CFAP54: variants seen among roughly 807,000 people sequenced by gnomAD.
CFAP54 encodes cilia- and flagella-associated protein 54.
Under a neutral mutation model 370.4 loss-of-function variants are expected in CFAP54, and 290 were observed. The ratio of observed to expected loss-of-function variants is 0.78; its 90% CI spans 0.71 to 0.86. The LOEUF (loss-of-function observed/expected upper bound fraction) is 0.86, where lower values mean the gene tolerates loss of function less well. Among genes scored for constraint, CFAP54 ranks in the 40% least tolerant of loss-of-function variants. The probability of loss-of-function intolerance (pLI) is 0.00; values close to 1 mark genes in which losing one functional copy is unlikely to be tolerated. For synonymous variants in CFAP54, 1,206 were observed against 1,236.5 expected, an observed-to-expected ratio of 0.98 and a Z score of 0.52; for missense variants, 3,399 against 3,528.7, an observed-to-expected ratio of 0.96 and a Z score of 0.93.
intron 50 of CFAP54, among the ~76,000 whole-genome samples, chr12:96,724,858 T>G (rs985125160): frequency 1.5e-4 from 23 of 152,194 alleles, no homozygotes; most frequent in Non-Finnish European, 2.9e-4. Flanking sequence ...TTGTATAAGG[T>G]GTAAGGAAGG....
Position 96,693,748 on chromosome 12 carries a change from ATATT to A in CFAP54, c.6293_6296del (p.Tyr2098LeufsTer9). ...TTCTGCCTCTCCTTGCATTGTATCA[ATATT>A]TTGTTTCTGGAATTTGTCAAGACAT... On this transcript the variant is annotated frameshift_variant, in exon 45 of 68. Transcript: ENST00000524981. LOFTEE classifies it high-confidence loss of function. 6.3e-7 allele frequency: 1 copy of A among 1,598,904 alleles called. No homozygotes were observed. The highest frequency in any genetic ancestry group is 8.6e-7 in the Non-Finnish European group (1 of 1,167,672).
At chr12:96,551,049 G>A (rs764780143) in intron 15 of CFAP54, among the ~76,000 whole-genome samples, 5 of 152,116 alleles carry the variant, frequency 3.3e-5, no homozygotes, top group East Asian at 1.9e-4. Flanking sequence ...TGGGTGGATC[G>A]CTTGAGCCCA....
intron 65 of CFAP54, among the ~76,000 whole-genome samples, chr12:96,818,453 T>G (rs1458936720): frequency 2.0e-5 from 3 of 152,214 alleles, no homozygotes; most frequent in Non-Finnish European, 4.4e-5. Flanking sequence ...TGTCCCTTCC[T>G]GAGTTCTCAG....
In CFAP54 at chr12:96,811,806, G is replaced by T; in HGVS notation, c.8921G>T (p.Ser2974Ile). ...GATGTTAGACATTCCACTTATAACAGTACATGTGTTGGCTCTTTATGGATT... is the reference window on the plus strand; with the variant it reads ...GATGTTAGACATTCCACTTATAACATTACATGTGTTGGCTCTTTATGGATT... ...ISDVRHSTYNSTCVGSLWIPL... is the reference protein window; with the variant it reads ...ISDVRHSTYNITCVGSLWIPL... Residue 2974 changes from serine (S) to isoleucine (I), a missense_variant, in exon 64 of 68, where the codon AGT becomes ATT. Ser to Ile is a moderately radical substitution (Grantham distance 142). This residue lies in a region of CFAP54 where 2,796 missense variants were observed against 2,869.7 expected (regional missense o/e 0.97). Transcript: ENST00000524981. 6.6e-7 allele frequency: 1 copy of T among 1,521,700 alleles called. No homozygotes were observed. Among genetic ancestry groups the T allele is most frequent in the Non-Finnish European group, 8.8e-7 (1 of 1,141,110 alleles). The allele number at this position is 1,521,700 out of a possible 1,614,324, so 94.3% of individuals were successfully genotyped here. A position where few individuals can be genotyped will look rare whatever the true frequency, so the allele number is the denominator to read the frequency against.
intron 32 of CFAP54, among the ~76,000 whole-genome samples, chr12:96,636,717 A>G (rs181103533): frequency 2.6e-4 from 40 of 152,220 alleles, no homozygotes; most frequent in Middle Eastern, 3.4e-3. Flanking sequence ...GAACTTTGGG[A>G]AGGTGAGGTA....
At chr12:96,812,405 C>T (rs778412455) in intron 64 of CFAP54, among the ~76,000 whole-genome samples, 5 of 152,146 alleles carry the variant, frequency 3.3e-5, no homozygotes, top group Non-Finnish European at 5.9e-5. Flanking sequence ...TAACTTTTTG[C>T]TCATGCCTCG....
chr12:96,838,604 AACTC>A lies in CFAP54; in HGVS notation c.9171+9524_9171+9527del, dbSNP rs767188364. Among the ~76,000 whole-genome samples the A allele has an allele frequency of 7.2e-5, 11 of 152,190 alleles. No individual in the cohort carries two copies. In the East Asian group the frequency reaches 2.1e-3, roughly 29 times the overall value. Reference sequence around the variant, plus strand: ...TTATAAAACCGTGACATCTCATGAGAACTCACTCACTATCACAAGAAGGGCATGA... The same window carrying A: ...TTATAAAACCGTGACATCTCATGAGAACTCACTATCACAAGAAGGGCATGA... On this transcript the variant is annotated intron_variant, in intron 66 of 67. Coordinates refer to ENST00000524981, the MANE Select transcript of CFAP54 (RefSeq NM_001306084.2).
intron 66 of CFAP54, among the ~76,000 whole-genome samples, chr12:96,854,969 G>A (rs1031192911): frequency 3.3e-5 from 5 of 152,180 alleles, no homozygotes; most frequent in Admixed American, 2.6e-4. Context: ...GTAAAGGAAA[G>A]AGGTTTAATT....
chr12:96,777,207 G>C (rs1193311626), intron 60 of CFAP54, among the ~76,000 whole-genome samples: 1 of 152,140 alleles, frequency 6.6e-6, no homozygotes, highest in African/African-American at 2.4e-5. Flanking sequence ...GCTTTTCCTG[G>C]AGACAGCCAT....
At chr12:96,644,073 A>C in intron 32 of CFAP54, 105 bp from the exon 33 acceptor site, 3 of 717,624 alleles carry the variant, frequency 4.2e-6, no homozygotes, top group Non-Finnish European at 6.8e-6. Context: ...GCATAAGGGC[A>C]GTCAAGTGAC....
chr12:96,845,473 G>GGACAT (rs995672654), intron 66 of CFAP54, among the ~76,000 whole-genome samples: 2 of 152,214 alleles, frequency 1.3e-5, no homozygotes, highest in African/African-American at 4.8e-5. Context: ...TTCAACTGAA[G>GGACAT]GACATGAACT....
At chr12:96,505,509 T>G (rs1955089843) in intron 3 of CFAP54, among the ~76,000 whole-genome samples, 1 of 151,184 alleles carries the variant, frequency 6.6e-6, no homozygotes, top group South Asian at 2.1e-4. Context: ...TCACTTTTTT[T>G]TTTTTTTTTT....
intron 26 of CFAP54, among the ~76,000 whole-genome samples, chr12:96,613,877 T>C (rs1272579967): frequency 6.6e-6 from 1 of 152,132 alleles, no homozygotes; most frequent in Admixed American, 6.5e-5. Context: ...ATTAATAGCC[T>C]AGCAACCAAA....
chr12:96,839,061 G>T (rs1959195963), intron 66 of CFAP54, among the ~76,000 whole-genome samples: 1 of 152,206 alleles, frequency 6.6e-6, no homozygotes, highest in East Asian at 1.9e-4. Context: ...GTCCCTGAGA[G>T]AGAGTTAGAA....
chr12:96,807,360 A>T (rs1463767223), intron 63 of CFAP54, among the ~76,000 whole-genome samples: 1 of 152,178 alleles, frequency 6.6e-6, no homozygotes, highest in Non-Finnish European at 1.5e-5. Context: ...TTGAGTACAT[A>T]CCATATGCCA....
intron 17 of CFAP54, among the ~76,000 whole-genome samples, chr12:96,560,339 A>G (rs1192496002): frequency 1.3e-5 from 2 of 151,700 alleles, no homozygotes; most frequent in Admixed American, 6.6e-5. Context: ...GAGGTAAACT[A>G]TTTTTTTTAG....
At chr12:96,664,739 CTATATA>C (rs1433452591) in intron 39 of CFAP54, among the ~76,000 whole-genome samples, 3,748 of 24,822 alleles carry the variant, frequency 0.15, 160 homozygotes, top group African/African-American at 0.25. Context: ...ATATATATAT[CTATATA>C]TATATATATC....
At chr12:96,533,166 A>G (rs923692638) in intron 9 of CFAP54, among the ~76,000 whole-genome samples, 3 of 151,078 alleles carry the variant, frequency 2.0e-5, no homozygotes, top group South Asian at 2.1e-4. Context: ...GGTTCTTGCT[A>G]TATTTCTCAG....
intron 50 of CFAP54, among the ~76,000 whole-genome samples, chr12:96,735,964 A>G (rs544619791): frequency 6.6e-6 from 1 of 152,322 alleles, no homozygotes; most frequent in Admixed American, 6.5e-5. Context: ...GGAAGAATAC[A>G]CTCAGAAAGC....
Sources: allele counts gnomAD v4.1 joint callset (sites outside exome capture counted in the v4.1 genomes callset), GRCh38; gene constraint gnomAD v4.1.1; regional missense constraint gnomAD v4.1.1; transcripts MANE v1.5; gene names NCBI Gene and HGNC (gene_info 2026-07-23, HGNC 2026-07-21).